The following STK32B variants were observed in gnomAD, a reference collection of about 807,000 sequenced individuals.
STK32B encodes serine/threonine-protein kinase 32B.
In STK32B, 43 loss-of-function variants were observed where a neutral mutation model predicts 52.6. The observed-to-expected ratio is 0.82, with a 90% CI of 0.64 to 1.05. The LOEUF (loss-of-function observed/expected upper bound fraction) is 1.05, where lower values mean the gene tolerates loss of function less well. Among genes scored for constraint, STK32B ranks in the 50% least tolerant of loss-of-function variants. The probability of loss-of-function intolerance (pLI) is 0.00; values close to 1 mark genes in which losing one functional copy is unlikely to be tolerated. For missense variants in STK32B, 621 were observed against 534.6 expected, an observed-to-expected ratio of 1.16 and a Z score of -1.59; for synonymous variants, 238 against 204.3, an observed-to-expected ratio of 1.17 and a Z score of -1.41.
At chr4:5,274,998 G>C (rs562520130) in intron 3 of STK32B, among the ~76,000 whole-genome samples, 1 of 152,172 alleles carries the variant, frequency 6.6e-6, no homozygotes, top group South Asian at 2.1e-4. Context: ...GGGTTCCACG[G>C]TGCTCTTCCG....
chr4:5,294,965 G>C (rs898146035), intron 3 of STK32B, among the ~76,000 whole-genome samples: 1 of 152,054 alleles, frequency 6.6e-6, no homozygotes, highest in African/African-American at 2.4e-5. Context: ...CTAGTTTATC[G>C]AGTGTTTTTT....
chr4:5,261,695 A>G (rs1726722734), intron 3 of STK32B, among the ~76,000 whole-genome samples: 1 of 152,216 alleles, frequency 6.6e-6, no homozygotes, highest in Non-Finnish European at 1.5e-5. Flanking sequence ...ACTACCACCT[A>G]GGACAGCTCC....
chr4:5,448,131 T>C (rs1320241034), intron 7 of STK32B, among the ~76,000 whole-genome samples: 4 of 152,242 alleles, frequency 2.6e-5, no homozygotes, highest in Admixed American at 6.5e-5. Context: ...TTTGTCACCC[T>C]GTAGTTAAGC....
At chr4:5,441,339 T>G (rs1226776507) in intron 6 of STK32B, among the ~76,000 whole-genome samples, 9 of 151,228 alleles carry the variant, frequency 6.0e-5, no homozygotes, top group Non-Finnish European at 1.2e-4. Flanking sequence ...CTTGGGAGAG[T>G]GTATGTGTCC....
chr4:5,081,516 A>G (rs1247626992), intron 1 of STK32B, among the ~76,000 whole-genome samples: 1 of 151,772 alleles, frequency 6.6e-6, no homozygotes, highest in Non-Finnish European at 1.5e-5. Flanking sequence ...TCCATCTATT[A>G]TTTCTGTTGG....
At chr4:5,219,224 C>A (rs937899892) in intron 3 of STK32B, among the ~76,000 whole-genome samples, 3 of 152,194 alleles carry the variant, frequency 2.0e-5, no homozygotes, top group African/African-American at 7.2e-5. Flanking sequence ...GGAGGGGCCA[C>A]AGTCTTGGGG....
At chr4:5,128,010 A>G (rs548659584) in intron 1 of STK32B, among the ~76,000 whole-genome samples, 9 of 152,292 alleles carry the variant, frequency 5.9e-5, no homozygotes, top group African/African-American at 1.9e-4. Context: ...CTCCCCAGCC[A>G]TGTGGGACTG....
chr4:5,317,192 CATA>C (rs1443570121), intron 3 of STK32B, among the ~76,000 whole-genome samples: 1 of 38,340 alleles, frequency 2.6e-5, no homozygotes, highest in Admixed American at 4.6e-4. Flanking sequence ...ATATATATAA[CATA>C]TATATATTAT....
At position 5,460,066 on chromosome 4, in the gene STK32B, C is replaced by A. The variant is rs1560433485; in HGVS notation, c.784-37C>A. ...GAGTCCCCGCTAACCTTGAGGGATG[C>A]CCAATTCATGGAAACTCATTTGCCC... is the stretch of plus-strand genomic sequence containing the variant. On this transcript the variant is annotated intron_variant, in intron 8 of 11. Coordinates refer to ENST00000282908, the MANE Select transcript of STK32B (RefSeq NM_018401.3). This position sits in a 1 kb window ranked among gnomAD's most constrained non-coding sequence, Gnocchi z 4.8. The A allele has an allele frequency of 6.2e-7, 1 of 1,614,130 alleles. No homozygotes were observed. Among genetic ancestry groups the A allele is most frequent in the Non-Finnish European group, 8.5e-7 (1 of 1,180,014 alleles).
chr4:5,337,145 A>ATTT (rs55790354), intron 4 of STK32B, among the ~76,000 whole-genome samples: 57 of 143,022 alleles, frequency 4.0e-4, no homozygotes, highest in Middle Eastern at 3.5e-3. Flanking sequence ...TCCCTGGCCA[A>ATTT]TTTTTTTTTT....
intron 3 of STK32B, among the ~76,000 whole-genome samples, chr4:5,302,079 C>G (rs1185354469): frequency 6.6e-6 from 1 of 150,964 alleles, no homozygotes; most frequent in Non-Finnish European, 1.5e-5. Context: ...CTTTCTTTTA[C>G]TGTATTTTTG....
rs985989981 is a variant in STK32B, at chr4:5,183,917, C to T, written c.260+15467C>T. Among the ~76,000 whole-genome samples, 6 of 152,260 alleles carry T rather than the reference C, an allele frequency of 3.9e-5. 1 individual carries two copies. The South Asian group carries it at 8.3e-4, about 21-fold the overall frequency. On this transcript the variant is annotated intron_variant, in intron 3 of 11. Transcript: ENST00000282908. Reference sequence around the variant, plus strand: ...AATTGAAGAGAGTTGGGAACTTGCTCTGGATTAGGCTTTGGCTTAAGGGGA... The same window carrying T: ...AATTGAAGAGAGTTGGGAACTTGCTTTGGATTAGGCTTTGGCTTAAGGGGA...
intron 3 of STK32B, among the ~76,000 whole-genome samples, chr4:5,222,912 A>G (rs1269761828): frequency 6.6e-6 from 1 of 152,206 alleles, no homozygotes; most frequent in African/African-American, 2.4e-5. Context: ...GCTATTCACA[A>G]AGATAATAGA....
chr4:5,403,449 G>A (rs562894390), intron 5 of STK32B, among the ~76,000 whole-genome samples: 21 of 152,194 alleles, frequency 1.4e-4, no homozygotes, highest in Non-Finnish European at 2.6e-4. Context: ...CCTCCTGAGC[G>A]GCCCTGATGC....
intron 1 of STK32B, among the ~76,000 whole-genome samples, chr4:5,092,934 A>G (rs1713175047): frequency 1.3e-5 from 2 of 152,240 alleles, no homozygotes; most frequent in Admixed American, 6.5e-5. Context: ...CAATAAAAAT[A>G]TTGGAAAAAT....
At chr4:5,481,632 T>C (rs1343510936) in intron 11 of STK32B, among the ~76,000 whole-genome samples, 2 of 152,210 alleles carry the variant, frequency 1.3e-5, no homozygotes, top group African/African-American at 4.8e-5. Flanking sequence ...CCATTGCTTT[T>C]GGTGTTTTAG....
intron 11 of STK32B, among the ~76,000 whole-genome samples, chr4:5,486,876 C>T (rs549172722): frequency 1.3e-5 from 2 of 152,342 alleles, no homozygotes; most frequent in Middle Eastern, 6.8e-3. Context: ...AGAAATATTA[C>T]ATATTGCTCT....
At chr4:5,212,446 C>T (rs943530366) in intron 3 of STK32B, among the ~76,000 whole-genome samples, 14 of 152,178 alleles carry the variant, frequency 9.2e-5, no homozygotes, top group Admixed American at 8.5e-4. Flanking sequence ...TCATGACTTT[C>T]TGCACTGAGG....
intron 3 of STK32B, among the ~76,000 whole-genome samples, chr4:5,188,102 G>T (rs1720886756): frequency 6.6e-6 from 1 of 152,118 alleles, no homozygotes; most frequent in African/African-American, 2.4e-5. Context: ...AAGATAATTT[G>T]CTGGAGCAGC....
Sources: allele counts gnomAD v4.1 joint callset (sites outside exome capture counted in the v4.1 genomes callset), GRCh38; gene constraint gnomAD v4.1.1; non-coding constraint Gnocchi (gnomAD v3.1); transcripts MANE v1.5; gene names NCBI Gene and HGNC (gene_info 2026-07-23, HGNC 2026-07-21).